LRRK1: variants seen among roughly 807,000 people sequenced by gnomAD.
The protein encoded by LRRK1 is leucine rich repeat kinase 1.
Under a neutral mutation model 209.1 loss-of-function variants are expected in LRRK1, and 113 were observed. That is an observed-to-expected ratio of 0.54 (90% CI 0.46 to 0.63). LRRK1 has a LOEUF of 0.63. LRRK1 is among the 30% of genes least tolerant of loss of function. The pLI, the probability that LRRK1 is intolerant of heterozygous loss-of-function variation, is 0.00. For synonymous variants in LRRK1, 1,144 were observed against 1,099.7 expected, an observed-to-expected ratio of 1.04 and a Z score of -0.80; for missense variants, 2,284 against 2,632.2, an observed-to-expected ratio of 0.87 and a Z score of 2.89.
intron 2 of LRRK1, among the ~76,000 whole-genome samples, chr15:100,944,567 A>G (rs904582291): frequency 6.6e-6 from 1 of 152,222 alleles, no homozygotes; most frequent in African/African-American, 2.4e-5. Context: ...ACACCAGCCT[A>G]CAATTCTACC....
rs377316707 is a variant in LRRK1 at position 101,022,466 on chromosome 15, C to T, written c.1936C>T (p.Pro646Ser). The T allele has an allele frequency of 2.5e-6, 4 of 1,614,074 alleles. No homozygotes were observed. The Admixed American group carries it at 5.0e-5, about 20-fold the overall frequency. Residue 646 changes from proline (P) to serine (S), a missense_variant, in exon 15 of 34, where the codon CCC (proline) becomes TCC (serine). Pro to Ser is a moderately conservative substitution (Grantham distance 74, BLOSUM62 -1). Transcript: ENST00000388948. This position sits in a 1 kb window ranked among gnomAD's most constrained non-coding sequence, Gnocchi z 4.0. ...GCTGATGAAGATGATCATCGTGGGT[C>T]CCCCGCGCCAGGGCAAGTCCACCCT... ...CKLMKMIIVG[P>S]PRQGKSTLLE...
At chr15:100,989,715 TC>T in intron 6 of LRRK1, 1 of 500,160 alleles carries the variant, frequency 2.0e-6, no homozygotes, top group Non-Finnish European at 3.5e-6. Flanking sequence ...CCTAATCACC[TC>T]TTAATGGTCC....
chr15:100,972,363 A>AGAGAGAGAGTGT (rs1176201849), intron 2 of LRRK1, among the ~76,000 whole-genome samples: 2 of 98,474 alleles, frequency 2.0e-5, no homozygotes, highest in Non-Finnish European at 3.8e-5. Flanking sequence ...AGAGAGAGAG[A>AGAGAGAGAGTGT]GTGTGTGTGT....
intron 6 of LRRK1, among the ~76,000 whole-genome samples, chr15:101,006,089 C>A (rs567357420): frequency 6.6e-6 from 1 of 152,268 alleles, no homozygotes; most frequent in East Asian, 1.9e-4. Context: ...TTAACCTTTA[C>A]AAAGGAGGGA....
chr15:100,925,977 C>T (rs535143514), intron 2 of LRRK1, among the ~76,000 whole-genome samples: 15 of 152,342 alleles, frequency 9.8e-5, no homozygotes, highest in Admixed American at 2.6e-4. Context: ...TGTTAACTAA[C>T]GATCGGCCAC....
intron 12 of LRRK1, among the ~76,000 whole-genome samples, chr15:101,019,438 C>T (rs1295713017): frequency 6.6e-6 from 1 of 152,192 alleles, no homozygotes; most frequent in Non-Finnish European, 1.5e-5. Flanking sequence ...ACAAAGCCAT[C>T]TTTAGAAGGC....
Position 101,048,567 on chromosome 15 carries a change from G to C in LRRK1, c.3209G>C (p.Arg1070Thr). Residue 1070 changes from arginine to threonine, a missense_variant, in exon 22 of 34, where the codon AGA (arginine) becomes ACA (threonine). This residue lies in a region of LRRK1 where 780 missense variants were observed against 985.2 expected (regional missense o/e 0.79). Transcript: ENST00000388948. ...ATTTACAGTTTTACAGGAAACCAGAGAAATCGCTGTAGCACATTCAGAGTG... is the reference window on the plus strand; with the variant it reads ...ATTTACAGTTTTACAGGAAACCAGACAAATCGCTGTAGCACATTCAGAGTG... ...VTIYSFTGNQ[R>T]NRCSTFRVKR... 2 of 1,590,796 alleles carry C rather than the reference G, an allele frequency of 1.3e-6. No individual in the cohort carries two copies. Among genetic ancestry groups the C allele is most frequent in the Admixed American group, 3.8e-5 (2 of 53,142 alleles).
intron 20 of LRRK1, among the ~76,000 whole-genome samples, chr15:101,040,316 G>A (rs1338339935): frequency 6.6e-6 from 1 of 151,420 alleles, no homozygotes; most frequent in East Asian, 1.9e-4. Context: ...CATCTATGGT[G>A]CAGAATATAT....
chr15:100,960,226 C>T (rs146349095), intron 2 of LRRK1, among the ~76,000 whole-genome samples: 48 of 147,436 alleles, frequency 3.3e-4, no homozygotes, highest in African/African-American at 1.1e-3. Context: ...TCAAAATCAC[C>T]GTTCTTTGCT....
At chr15:100,935,590 G>A (rs2042285917) in intron 2 of LRRK1, among the ~76,000 whole-genome samples, 1 of 152,208 alleles carries the variant, frequency 6.6e-6, no homozygotes, top group African/African-American at 2.4e-5. Flanking sequence ...GCTATTGCCA[G>A]AGCCCTGGAG....
chr15:100,927,576 G>A (rs1326815447), intron 2 of LRRK1, among the ~76,000 whole-genome samples: 1 of 152,172 alleles, frequency 6.6e-6, no homozygotes, highest in East Asian at 1.9e-4. Flanking sequence ...GACACCCTGG[G>A]AACCCCTGAG....
intron 1 of LRRK1, among the ~76,000 whole-genome samples, chr15:100,923,495 G>A (rs997674930): frequency 2.6e-5 from 4 of 152,224 alleles, no homozygotes; most frequent in African/African-American, 9.6e-5. Flanking sequence ...TTCATCACAT[G>A]TAGGATATGC....
intron 2 of LRRK1, among the ~76,000 whole-genome samples, chr15:100,940,152 T>G (rs2141607907): frequency 6.6e-6 from 1 of 152,346 alleles, no homozygotes; most frequent in African/African-American, 2.4e-5. Context: ...AGTTCTCTAA[T>G]ATAGTTTTAT....
chr15:101,025,327 G>T (rs1320859486), intron 16 of LRRK1, among the ~76,000 whole-genome samples: 1 of 152,162 alleles, frequency 6.6e-6, no homozygotes, highest in Non-Finnish European at 1.5e-5. Flanking sequence ...CACCCTCCGT[G>T]GAGGAGGTCA....
intron 6 of LRRK1, among the ~76,000 whole-genome samples, chr15:101,004,929 GT>G (rs1436975671): frequency 2.0e-5 from 3 of 152,230 alleles, no homozygotes; most frequent in Non-Finnish European, 4.4e-5. Flanking sequence ...GGTCCCCAGA[GT>G]TTTATTTAAA....
In LRRK1 at chr15:101,053,427, C is replaced by A. The variant is rs1489364373; in HGVS notation, c.4054+7C>A. On this transcript the variant is annotated splice_region_variant and intron_variant, in intron 26 of 33. Coordinates refer to ENST00000388948, the MANE Select transcript of LRRK1 (RefSeq NM_024652.6). ...CTGTCCGAGAACGCCAGAGGTACCG[C>A]GGCGCGCCGCCCCACCCGGCCCCGG... 6.4e-7 allele frequency: 1 copy of A among 1,568,552 alleles called. No homozygotes were observed. The highest frequency in any genetic ancestry group is 1.1e-5 in the South Asian group (1 of 88,192).
chr15:101,065,868 G>C lies in LRRK1; in HGVS notation c.5431G>C (p.Asp1811His). The part of the protein sequence containing the change: ...HTANPKVPEG[D>H]SIADVSIMYS... ...GGCCAACCCAAAGGTGCCTGAGGGG[G>C]ACTCCATCGCGGACGTGAGCATCAT... The change falls in exon 32 of 34, where the codon GAC becomes CAC. Residue 1811 changes from aspartate to histidine, a missense_variant. By Grantham distance (81) the Asp-to-His change is moderately conservative (BLOSUM62 -1). Transcript: ENST00000388948. 2 of 1,614,146 alleles carry C rather than the reference G, an allele frequency of 1.2e-6. No individual in the cohort carries two copies. Among genetic ancestry groups the C allele is most frequent in the Non-Finnish European group, 8.5e-7 (1 of 1,180,024 alleles).
rs2036839102 is a variant in LRRK1, at chr15:101,072,468, G to T, written c.*3620G>T. 1 of 152,262 alleles carries T rather than the reference G, an allele frequency of 6.6e-6. No homozygotes were observed. Among genetic ancestry groups the T allele is most frequent in the Non-Finnish European group, 1.5e-5 (1 of 68,070 alleles). 9.4% of individuals were successfully genotyped at this position (152,262 alleles called of 1,614,324 possible). On this transcript the variant is annotated 3_prime_UTR_variant, in exon 34 of 34. Transcript: ENST00000388948. ...ATATAATAAATGCATTTGTTTGAAA[G>T]CAGCTTGCAGCACAGTGCGTCAGGC...
In LRRK1 at chr15:101,040,406, C is replaced by T. The variant is rs147792954; in HGVS notation, c.2964-5575C>T. Among the ~76,000 whole-genome samples, 602 of 151,986 alleles carry T rather than the reference C, an allele frequency of 4.0e-3. 4 individuals carry two copies. Among genetic ancestry groups the T allele is most frequent in the African/African-American group, 0.014 (581 of 41,478 alleles). ...CTGATATTAATAATATGTCTTTTCT[C>T]TCATTCTTTCTTGATCAGTCTTGCT... On this transcript the variant is annotated intron_variant, in intron 20 of 33. Transcript: ENST00000388948.
Sources: gnomAD v4.1 joint callset for allele counts (sites outside exome capture counted in the v4.1 genomes callset) on GRCh38, gnomAD v4.1.1 for gene constraint, gnomAD v4.1.1 regional missense constraint, Gnocchi (gnomAD v3.1) non-coding constraint, MANE v1.5 for transcripts, NCBI Gene and HGNC (gene_info 2026-07-23, HGNC 2026-07-21) for gene names.